The following STK10 variants were observed in gnomAD, a reference collection of about 807,000 sequenced individuals.
STK10 encodes serine/threonine-protein kinase 10.
A neutral mutation model predicts 113.8 loss-of-function variants in STK10; 78 were observed. That is an observed-to-expected ratio of 0.69 (90% CI 0.57 to 0.83). The LOEUF is 0.83. STK10 is among the 40% of genes least tolerant of loss of function. STK10 has a pLI of 0.00. For synonymous variants in STK10, 465 were observed against 494.7 expected (o/e 0.94, Z 0.80); for missense variants, 1,109 against 1,280.1 (o/e 0.87, Z 2.04).
chr5:172,142,253 TGCAAATTAGGAATC>T (rs1315206968), intron 2 of STK10, among the ~76,000 whole-genome samples: 7 of 152,318 alleles, frequency 4.6e-5, no homozygotes, highest in African/African-American at 1.7e-4. Context: ...TTTAGAGCTG[TGCAAATTAGGAATC>T]AGCTCAATAT....
intron 2 of STK10, among the ~76,000 whole-genome samples, chr5:172,144,008 G>C (rs1421984452): frequency 2.0e-5 from 3 of 152,244 alleles, no homozygotes; most frequent in Non-Finnish European, 4.4e-5. Flanking sequence ...CCAACCAAGA[G>C]AGAAGAGATG....
intron 12 of STK10, among the ~76,000 whole-genome samples, chr5:172,074,677 T>C (rs1768269451): frequency 6.6e-6 from 1 of 152,108 alleles, no homozygotes; most frequent in Non-Finnish European, 1.5e-5. Flanking sequence ...GCATAATCCC[T>C]AAAAGAAAAA....
At chr5:172,070,210 T>C (rs1581139868) in intron 12 of STK10, among the ~76,000 whole-genome samples, 1 of 151,878 alleles carries the variant, frequency 6.6e-6, no homozygotes, top group East Asian at 1.9e-4. Context: ...ATCATGCCAT[T>C]GCACTCCAGC....
chr5:172,136,363 G>A (rs1394629660), intron 2 of STK10, among the ~76,000 whole-genome samples: 1 of 152,282 alleles, frequency 6.6e-6, no homozygotes, highest in South Asian at 2.1e-4. Flanking sequence ...TTGGAAGGCC[G>A]AGGCGGGTGG....
chr5:172,143,426 C>T (rs929261790), intron 2 of STK10, among the ~76,000 whole-genome samples: 4 of 152,170 alleles, frequency 2.6e-5, no homozygotes, highest in Non-Finnish European at 5.9e-5. Context: ...AGAGGTGAGG[C>T]ATCAACACGC....
At chr5:172,149,785 C>T (rs369343326) in intron 2 of STK10, among the ~76,000 whole-genome samples, 2 of 151,936 alleles carry the variant, frequency 1.3e-5, no homozygotes, top group African/African-American at 4.8e-5. Context: ...GTGGCTCATG[C>T]CTGTAATCCC....
chr5:172,119,733 G>A (rs1489594288), intron 3 of STK10, among the ~76,000 whole-genome samples: 3 of 144,514 alleles, frequency 2.1e-5, no homozygotes, highest in African/African-American at 5.3e-5. Context: ...GCGTAGTGGC[G>A]GGCGCCTGTA....
intron 2 of STK10, among the ~76,000 whole-genome samples, chr5:172,135,601 C>CAGTCCAGGCACTTTGGGAG (rs1171653173): frequency 2.6e-5 from 4 of 152,080 alleles, no homozygotes; most frequent in Non-Finnish European, 5.9e-5. Flanking sequence ...GTAAAATGTG[C>CAGTCCAGGCACTTTGGGAG]AGTCCAGGCA....
At chr5:172,158,495 T>C (rs540033139) in intron 1 of STK10, among the ~76,000 whole-genome samples, 1 of 151,996 alleles carries the variant, frequency 6.6e-6, no homozygotes, top group South Asian at 2.1e-4. Flanking sequence ...GGCGTGGTGG[T>C]GGGCGCCTGT....
chr5:172,088,628 C>T (rs934623461), intron 10 of STK10, among the ~76,000 whole-genome samples: 3 of 152,170 alleles, frequency 2.0e-5, no homozygotes, highest in Admixed American at 1.3e-4. Flanking sequence ...TGAATTTACC[C>T]TGCAAAGGCC....
intron 18 of STK10, chr5:172,045,438 T>C (rs773833109): frequency 2.2e-6 from 1 of 457,934 alleles, no homozygotes; most frequent in South Asian, 1.6e-5. Context: ...GAGTTGAGAT[T>C]GCGCCACTGC....
intron 14 of STK10, among the ~76,000 whole-genome samples, chr5:172,058,943 G>T (rs1303776670): frequency 1.3e-5 from 2 of 152,016 alleles, no homozygotes; most frequent in African/African-American, 4.8e-5. Flanking sequence ...CTCAAACAGG[G>T]CCAGGCGCGG....
chr5:172,108,948 C>T (rs931175706), intron 4 of STK10, among the ~76,000 whole-genome samples: 15 of 152,108 alleles, frequency 9.9e-5, no homozygotes, highest in African/African-American at 3.6e-4. Flanking sequence ...ACATGCCCAG[C>T]TAATTTTTGT....
intron 1 of STK10, among the ~76,000 whole-genome samples, chr5:172,161,253 A>G (rs1326893389): frequency 6.6e-6 from 1 of 152,086 alleles, no homozygotes; most frequent in Non-Finnish European, 1.5e-5. Flanking sequence ...GGAGTTTGAG[A>G]CCAGCCTGGC....
At chr5:172,080,299 G>A (rs767905171) in intron 12 of STK10, among the ~76,000 whole-genome samples, 15 of 152,100 alleles carry the variant, frequency 9.9e-5, no homozygotes, top group Non-Finnish European at 1.8e-4. Flanking sequence ...GAGACACAAC[G>A]ATATTGATAT....
intron 14 of STK10, among the ~76,000 whole-genome samples, chr5:172,057,767 G>A (rs989421175): frequency 6.6e-6 from 1 of 152,176 alleles, no homozygotes; most frequent in Non-Finnish European, 1.5e-5. Context: ...AGCTCCATCG[G>A]TGGGATTAGG....
At chr5:172,046,356 C>CA (rs34426237) in intron 18 of STK10, among the ~76,000 whole-genome samples, 12,723 of 123,580 alleles carry the variant, frequency 0.1, 747 homozygotes, top group African/African-American at 0.18. Context: ...GACTCTGTCT[C>CA]AAAAAAAAAA....
At chr5:172,129,007 G>A (rs1769688823) in intron 2 of STK10, among the ~76,000 whole-genome samples, 2 of 152,198 alleles carry the variant, frequency 1.3e-5, no homozygotes, top group African/African-American at 4.8e-5. Flanking sequence ...TGGCTTTGGA[G>A]CCAGTCACGG....
At chr5:172,070,402 AG>A (rs1252009182) in intron 12 of STK10, among the ~76,000 whole-genome samples, 16 of 151,966 alleles carry the variant, frequency 1.1e-4, no homozygotes, top group Non-Finnish European at 1.9e-4. Context: ...CCTGGGTCAA[AG>A]AGGAAGTTGC....
Sources: gnomAD v4.1 joint callset for allele counts (sites outside exome capture counted in the v4.1 genomes callset) on GRCh38, gnomAD v4.1.1 for gene constraint, MANE v1.5 for transcripts, NCBI Gene and HGNC (gene_info 2026-07-23, HGNC 2026-07-21) for gene names.